CELF2: variants seen among roughly 807,000 people sequenced by gnomAD.
CELF2 encodes CUGBP Elav-like family member 2.
Under a neutral mutation model 62.6 loss-of-function variants are expected in CELF2, and 8 were observed. The observed-to-expected ratio is 0.13, with a 90% confidence interval of 0.07 to 0.23. CELF2 has a LOEUF of 0.23. CELF2 is among the 10% of genes least tolerant of loss of function. CELF2 has a pLI of 1.00. For missense variants in CELF2, 333 were observed against 671.0 expected, an observed-to-expected ratio of 0.50 and a Z score of 5.56; for synonymous variants, 258 against 250.0, an observed-to-expected ratio of 1.03 and a Z score of -0.30.
rs1219109904 is a variant in CELF2, at chr10:11,220,541, G to A, written c.354+3034G>A. 6.6e-6 allele frequency among the ~76,000 whole-genome samples: 1 copy of A among 152,250 alleles called. No homozygotes were observed. Among genetic ancestry groups the A allele is most frequent in the African/African-American group, 2.4e-5 (1 of 41,458 alleles). Reference sequence around the variant, plus strand: ...AAACGACTCCCAGATTGAGGTGACAGATCAGGGCTCTTACGGAGCAGTGCA... The same window carrying A: ...AAACGACTCCCAGATTGAGGTGACAAATCAGGGCTCTTACGGAGCAGTGCA... On this transcript the variant is annotated intron_variant, in intron 3 of 12. Transcript: ENST00000633077. This position sits in a 1 kb window ranked among gnomAD's most constrained non-coding sequence, Gnocchi z 4.4.
chr10:11,029,879 C>T (rs976358186), intron 1 of CELF2, among the ~76,000 whole-genome samples: 2 of 152,204 alleles, frequency 1.3e-5, no homozygotes, highest in Admixed American at 1.3e-4. Context: ...TTAAATCTGC[C>T]TGTTGTAAAA....
At chr10:10,810,239 G>A (rs1472150682) in intron 1 of CELF2, among the ~76,000 whole-genome samples, 7 of 152,118 alleles carry the variant, frequency 4.6e-5, no homozygotes, top group Admixed American at 6.5e-5. Context: ...AATCGTGTAC[G>A]GAAGAGTTAG....
chr10:10,753,614 A>G, the CELF2 span, among the ~76,000 whole-genome samples: 2 of 152,212 alleles, frequency 1.3e-5, no homozygotes, highest in African/African-American at 4.8e-5. Context: ...TTCTTCTTGG[A>G]CAACTTAAGT....
chr10:10,616,689 T>TGTGTGC, the CELF2 span, among the ~76,000 whole-genome samples: 1 of 129,282 alleles, frequency 7.7e-6, no homozygotes, highest in African/African-American at 3.0e-5. Context: ...TGTGTGTGTG[T>TGTGTGC]GCGTGTGTGT....
chr10:10,609,854 G>A, the CELF2 span, among the ~76,000 whole-genome samples: 30 of 152,306 alleles, frequency 2.0e-4, no homozygotes, highest in African/African-American at 7.0e-4. Context: ...GCATCTACTT[G>A]CCTCACAGAT....
At chr10:10,668,790 T>A in the CELF2 span, among the ~76,000 whole-genome samples, 1 of 152,084 alleles carries the variant, frequency 6.6e-6, no homozygotes, top group Non-Finnish European at 1.5e-5. Context: ...AAACCCTGTC[T>A]CTACCAAAAA....
the CELF2 span, among the ~76,000 whole-genome samples, chr10:10,630,365 T>C: frequency 1.3e-5 from 2 of 152,206 alleles, no homozygotes; most frequent in Admixed American, 6.5e-5. Context: ...TTGTGCTAAG[T>C]CTTAGGCAAG....
chr10:10,921,105 C>T (rs944601856), intron 2 of CELF2, among the ~76,000 whole-genome samples: 4 of 151,838 alleles, frequency 2.6e-5, no homozygotes, highest in South Asian at 2.1e-4. Flanking sequence ...CAGGAGACTG[C>T]CACCATGCCC....
chr10:10,842,701 G>C (rs527742484), intron 1 of CELF2, among the ~76,000 whole-genome samples: 114 of 151,988 alleles, frequency 7.5e-4, no homozygotes, highest in African/African-American at 2.6e-3. Flanking sequence ...CTAATATTTT[G>C]TTGAGGATTT....
the CELF2 span, among the ~76,000 whole-genome samples, chr10:10,489,737 C>T: frequency 5.9e-4 from 89 of 152,046 alleles, no homozygotes; most frequent in African/African-American, 1.7e-3. Context: ...CTAATATATC[C>T]TGTGTGGCCT....
the CELF2 span, among the ~76,000 whole-genome samples, chr10:10,754,186 C>T: frequency 6.6e-6 from 1 of 150,662 alleles, no homozygotes; most frequent in African/African-American, 2.4e-5. Context: ...ACTCTGTCAC[C>T]CAGGCTGGAA....
chr10:10,775,319 G>A, the CELF2 span, among the ~76,000 whole-genome samples: 25 of 152,238 alleles, frequency 1.6e-4, no homozygotes, highest in East Asian at 4.6e-3. Context: ...TGGGGCTCTG[G>A]GATGGTACAG....
At chr10:11,047,320 A>G (rs76080310) in intron 1 of CELF2, among the ~76,000 whole-genome samples, 1 of 152,294 alleles carries the variant, frequency 6.6e-6, no homozygotes, top group African/African-American at 2.4e-5. Context: ...GAGTCCCTGG[A>G]GGACACTAGG....
At position 11,268,580 on chromosome 10, in the gene CELF2, C is replaced by G. The variant is rs1220038046; in HGVS notation, c.618+1903C>G. ...TTTGACCACTGGGGCATATTTATTC[C>G]TAAGCCTTTGATCCTTTATTATTAA... is the stretch of plus-strand genomic sequence containing the variant. On this transcript the variant is annotated intron_variant, in intron 6 of 12. Coordinates refer to ENST00000633077, the MANE Select transcript of CELF2 (RefSeq NM_001326342.2). The surrounding 1 kb of genome is among the most constrained non-coding windows in gnomAD (Gnocchi z 4.7). Among the ~76,000 whole-genome samples the G allele has an allele frequency of 6.6e-6, 1 of 152,170 alleles. No homozygotes were observed. Among genetic ancestry groups the G allele is most frequent in the Admixed American group, 6.5e-5 (1 of 15,282 alleles).
At chr10:10,839,656 T>C (rs1187474508) in intron 1 of CELF2, among the ~76,000 whole-genome samples, 1 of 152,230 alleles carries the variant, frequency 6.6e-6, no homozygotes, top group African/African-American at 2.4e-5. Flanking sequence ...ATGTGTGTAA[T>C]AGAGTCAGAC....
At chr10:11,226,611 C>CAA (rs2066679703) in intron 3 of CELF2, among the ~76,000 whole-genome samples, 1 of 2,736 alleles carries the variant, frequency 3.7e-4, no homozygotes, top group African/African-American at 5.5e-4. Context: ...CACACACACA[C>CAA]ACACACACAC....
At chr10:10,587,822 T>A in the CELF2 span, among the ~76,000 whole-genome samples, 1 of 152,146 alleles carries the variant, frequency 6.6e-6, no homozygotes, top group African/African-American at 2.4e-5. Flanking sequence ...AGAGGAGAAA[T>A]GAGGGCTTGA....
intron 1 of CELF2, chr10:10,846,068 T>C: frequency 1.0e-6 from 1 of 984,182 alleles, no homozygotes; most frequent in East Asian, 1.1e-4. Flanking sequence ...TGTAGACTTT[T>C]GTGATTCGAT....
At chr10:10,522,420 TAATATACA>T in the CELF2 span, among the ~76,000 whole-genome samples, 2 of 152,210 alleles carry the variant, frequency 1.3e-5, no homozygotes, top group African/African-American at 4.8e-5. Context: ...AACATGGATT[TAATATACA>T]ATATTTTCCA....
Sources: gnomAD v4.1 joint callset for allele counts (sites outside exome capture counted in the v4.1 genomes callset) on GRCh38, gnomAD v4.1.1 for gene constraint, Gnocchi (gnomAD v3.1) non-coding constraint, MANE v1.5 for transcripts, NCBI Gene and HGNC (gene_info 2026-07-23, HGNC 2026-07-21) for gene names.